The following MEAK7 variants were observed in gnomAD, a reference collection of about 807,000 sequenced individuals.
MEAK7 encodes MTOR associated protein MEAK7.
Under a neutral mutation model 40.5 loss-of-function variants are expected in MEAK7, and 68 were observed. That is an observed-to-expected ratio of 1.68 (90% CI 1.38 to 2.06). The LOEUF (loss-of-function observed/expected upper bound fraction) is 2.06. MEAK7 is among the 30% of genes most tolerant of loss of function. The probability of loss-of-function intolerance (pLI) is 0.00; values close to 1 mark genes in which losing one functional copy is unlikely to be tolerated. For missense variants in MEAK7, 918 were observed against 580.5 expected (o/e 1.58, Z -5.98); for synonymous variants, 338 against 231.9 (o/e 1.46, Z -4.16).
chr16:84,480,054 G>T, intron 7 of MEAK7, 28 bp from the exon 8 acceptor site: 1 of 1,534,168 alleles, frequency 6.5e-7, no homozygotes, highest in Non-Finnish European at 8.9e-7. Flanking sequence ...GGGTGGGTGT[G>T]TTCCATGATG....
intron 3 of MEAK7, among the ~76,000 whole-genome samples, chr16:84,492,774 G>C (rs112622333): frequency 7.2e-5 from 11 of 152,010 alleles, no homozygotes; most frequent in African/African-American, 2.7e-4. Flanking sequence ...TAGAGACAGG[G>C]TTTCACCATG....
Position 84,498,130 on chromosome 16 carries a change from C to T in MEAK7, c.-25-19G>A. ...GAATTCTCTGCAGAAGGAAAAGACA[C>T]AACATTAGAAAAATCAAAATTTAAT... On this transcript the variant is annotated intron_variant, in intron 1 of 7. Coordinates refer to ENST00000343629, the MANE Select transcript of MEAK7 (RefSeq NM_020947.4). 2 of 1,539,392 alleles carry T rather than the reference C, an allele frequency of 1.3e-6. No individual in the cohort carries two copies. The highest frequency in any genetic ancestry group is 1.7e-6 in the Non-Finnish European group (2 of 1,147,664).
chr16:84,494,904 A>T (rs1271478644), intron 3 of MEAK7: 1 of 433,854 alleles, frequency 2.3e-6, no homozygotes, highest in Non-Finnish European at 4.5e-6. Flanking sequence ...AAATTAAGCT[A>T]AAAGCTGAGT....
At position 84,479,666 on chromosome 16, in the gene MEAK7, A is replaced by C; in HGVS notation, c.*247T>G. 1 of 368,434 alleles carries C rather than the reference A, an allele frequency of 2.7e-6. No homozygotes were observed. The highest frequency in any genetic ancestry group is 4.8e-6 in the Non-Finnish European group (1 of 207,036). The allele number at this position is 368,434 out of a possible 1,614,324, so 22.8% of individuals were successfully genotyped here. On this transcript the variant is annotated 3_prime_UTR_variant, in exon 8 of 8. Coordinates refer to ENST00000343629, the MANE Select transcript of MEAK7 (RefSeq NM_020947.4). Reference sequence around the variant, plus strand: ...ACTAATTTGACACAAGATTTCTTGGAGAGATCCTGAGGGTGACCCTGTAGG... The same window carrying C: ...ACTAATTTGACACAAGATTTCTTGGCGAGATCCTGAGGGTGACCCTGTAGG...
rs774871928 is a variant in MEAK7 at position 84,486,632 on chromosome 16, T to G, written c.957A>C (p.Gln319His). Residue 319 changes from glutamine to histidine, a missense_variant and splice_region_variant, in exon 5 of 8, where the codon CAA becomes CAC. Coordinates refer to ENST00000343629, the MANE Select transcript of MEAK7 (RefSeq NM_020947.4). ...AAGGTTCAGGACACCAAGTCTTACC[T>G]TGAAACTGAGGCTTCACCTCCCAAG... Reference protein sequence around the residue: ...SCSWEVKPQFQGDNRCFLFSI... With the variant: ...SCSWEVKPQFHGDNRCFLFSI... The G allele has an allele frequency of 1.9e-6, 3 of 1,601,710 alleles. No individual in the cohort carries two copies. The Admixed American group carries it at 5.2e-5, about 27-fold the overall frequency.
chr16:84,482,502 TG>T, intron 6 of MEAK7, 89 bp downstream of exon 6: 1 of 1,599,488 alleles, frequency 6.3e-7, no homozygotes, highest in Non-Finnish European at 8.5e-7. Flanking sequence ...CCACGCGCCC[TG>T]CCCTGATCTG....
chr16:84,487,330 T>C (rs1913179134), intron 4 of MEAK7: 2 of 394,938 alleles, frequency 5.1e-6, no homozygotes, highest in Admixed American at 9.1e-5. Flanking sequence ...GAATCAGTTT[T>C]CCCCTGTTTC....
Position 84,478,870 on chromosome 16 carries a change from G to C in MEAK7, c.*1043C>G, listed in dbSNP as rs1252527894. ...CTAGACAGCTGTGACTCAGGTGCTG[G>C]TTCCCAGAGGTCTAGAACCCAGGCC... On this transcript the variant is annotated 3_prime_UTR_variant, in exon 8 of 8. Transcript: ENST00000343629. The C allele has an allele frequency of 5.9e-5, 9 of 152,184 alleles. No homozygotes were observed. Among genetic ancestry groups the C allele is most frequent in the Admixed American group, 3.9e-4 (6 of 15,268 alleles). 9.4% of individuals were successfully genotyped at this position (152,184 alleles called of 1,614,324 possible). A position where few individuals can be genotyped will look rare whatever the true frequency, so the allele number is the denominator to read the frequency against.
chr16:84,480,053 T>C (rs751973457), intron 7 of MEAK7, 27 bp from the exon 8 acceptor site: 2 of 1,533,002 alleles, frequency 1.3e-6, no homozygotes, highest in Non-Finnish European at 1.8e-6. Flanking sequence ...AGGGTGGGTG[T>C]GTTCCATGAT....
chr16:84,490,694 G>GTGTGTGTGTGTGTGTA (rs1229822252), intron 3 of MEAK7, among the ~76,000 whole-genome samples: 7 of 148,814 alleles, frequency 4.7e-5, no homozygotes, highest in Non-Finnish European at 4.4e-5. Flanking sequence ...GTGTGTGTGT[G>GTGTGTGTGTGTGTGTA]TATTTAAAGG....
chr16:84,488,490 T>A (rs1361088298), intron 4 of MEAK7: 10 of 152,182 alleles, frequency 6.6e-5, no homozygotes, highest in Admixed American at 6.5e-4. Context: ...AGAATACACA[T>A]TCTTCTCAAA....
intron 1 of MEAK7, among the ~76,000 whole-genome samples, chr16:84,503,286 C>A (rs1305502271): frequency 6.6e-6 from 1 of 152,196 alleles, no homozygotes; most frequent in Non-Finnish European, 1.5e-5. Context: ...CCACATATGG[C>A]CCACGGGTTG....
At chr16:84,480,309 G>A (rs571365306) in intron 7 of MEAK7, among the ~76,000 whole-genome samples, 3 of 152,218 alleles carry the variant, frequency 2.0e-5, no homozygotes, top group East Asian at 3.9e-4. Context: ...CGCACTTGGG[G>A]AACCCCCCTT....
Position 84,482,770 on chromosome 16 carries a change from C to T in MEAK7, c.959-60G>A, listed in dbSNP as rs918493832. Reference sequence around the variant, plus strand: ...GGTGTCTGAGCCGGTCCCACAGGGCCGGAAATGCCGGTAAGCTGCAGCTCA... The same window carrying T: ...GGTGTCTGAGCCGGTCCCACAGGGCTGGAAATGCCGGTAAGCTGCAGCTCA... On this transcript the variant is annotated intron_variant, in intron 5 of 7. Transcript: ENST00000343629. The T allele has an allele frequency of 1.6e-5, 26 of 1,599,468 alleles. No individual in the cohort carries two copies. The Admixed American group carries it at 2.3e-4, about 14-fold the overall frequency.
chr16:84,480,090 G>C (rs1306326461), intron 7 of MEAK7, 64 bp from the exon 8 acceptor site: 2 of 1,333,578 alleles, frequency 1.5e-6, no homozygotes, highest in East Asian at 2.5e-5. Context: ...GCAGCTTCCT[G>C]CTAGTTTTCC....
chr16:84,481,685 G>A (rs934247800), intron 6 of MEAK7, among the ~76,000 whole-genome samples: 1 of 152,196 alleles, frequency 6.6e-6, no homozygotes, highest in Non-Finnish European at 1.5e-5. Context: ...TGTAATCCCA[G>A]CACTTTAGGA....
intron 1 of MEAK7, among the ~76,000 whole-genome samples, chr16:84,503,261 C>G (rs1250313598): frequency 1.3e-5 from 2 of 152,192 alleles, no homozygotes; most frequent in African/African-American, 4.8e-5. Context: ...GGATGTCATT[C>G]AAAGCCGCCT....
At chr16:84,495,648 T>A (rs759240289) in intron 3 of MEAK7, 35 bp downstream of exon 3, 1 of 1,607,174 alleles carries the variant, frequency 6.2e-7, no homozygotes, top group Admixed American at 1.7e-5. Context: ...CCAAGACTGC[T>A]GAGGAGGCTG....
At chr16:84,500,812 A>G (rs1215551313) in intron 1 of MEAK7, among the ~76,000 whole-genome samples, 1 of 152,126 alleles carries the variant, frequency 6.6e-6, no homozygotes, top group Admixed American at 6.5e-5. Context: ...CAAGCAGCCA[A>G]AACAAAGCAG....
Sources: allele counts gnomAD v4.1 joint callset (sites outside exome capture counted in the v4.1 genomes callset), GRCh38; gene constraint gnomAD v4.1.1; transcripts MANE v1.5; gene names NCBI Gene and HGNC (gene_info 2026-07-23, HGNC 2026-07-21).